The following AKR1C2 variants were observed in gnomAD, a reference collection of about 807,000 sequenced individuals.
The protein encoded by AKR1C2 is aldo-keto reductase family 1 member C2, also known as 3-alpha-HSD3.
A neutral mutation model predicts 39.8 loss-of-function variants in AKR1C2; 27 were observed. The observed-to-expected ratio is 0.68, with a 90% CI of 0.50 to 0.93. The LOEUF (loss-of-function observed/expected upper bound fraction) is 0.93. Ranked by LOEUF, AKR1C2 falls within the 40% of genes least tolerant of loss-of-function variation. The pLI, the probability that AKR1C2 is intolerant of heterozygous loss-of-function variation, is 0.00. For synonymous variants in AKR1C2, 114 were observed against 137.9 expected, an observed-to-expected ratio of 0.83 and a Z score of 1.22; for missense variants, 263 against 365.1, an observed-to-expected ratio of 0.72 and a Z score of 2.28.
At position 5,000,350 on chromosome 10, in the gene AKR1C2, T is replaced by C. The variant is rs561163082; in HGVS notation, c.369+200A>G. 551 of 1,541,016 alleles carry C rather than the reference T, an allele frequency of 3.6e-4. 1 individual carries two copies. The highest frequency in any genetic ancestry group is 6.3e-4 in the Admixed American group (31 of 48,908). The stretch of plus-strand genomic sequence containing the variant: ...TTGAGGATTCTGCACTCTCTTTTCT[T>C]GTAGACATGCAATCACGGAAGTATG... On this transcript the variant is annotated intron_variant, in intron 3 of 8. Coordinates refer to ENST00000380753, the MANE Select transcript of AKR1C2 (RefSeq NM_001393392.1).
In AKR1C2 at chr10:5,001,685, G is replaced by T; in HGVS notation, c.85-4C>A. The T allele has an allele frequency of 6.2e-7, 1 of 1,613,584 alleles. No homozygotes were observed. Among genetic ancestry groups the T allele is most frequent in the Non-Finnish European group, 8.5e-7 (1 of 1,179,684 alleles). On this transcript the variant is annotated splice_region_variant and splice_polypyrimidine_tract_variant and intron_variant, in intron 1 of 8. Coordinates refer to ENST00000380753, the MANE Select transcript of AKR1C2 (RefSeq NM_001393392.1). ...CTAGAGCTTTACTTTTAGGAACCTG[G>T]GGGAGCAACCAAACGTAATATTTTC...
intron 3 of AKR1C2, 58 bp from the exon 4 acceptor site, chr10:4,999,335 A>G: frequency 2.5e-6 from 4 of 1,579,134 alleles, no homozygotes; most frequent in Admixed American, 1.8e-5. Context: ...ACACATAGCC[A>G]TGCTCTGAGG....
At chr10:5,004,925 T>A (rs1258074233), upstream of AKR1C2, 2 of 146,502 alleles carry the variant, frequency 1.4e-5, no homozygotes, top group African/African-American at 5.1e-5. Context: ...TATTGAAATT[T>A]TTCACAGAGT....
intron 1 of AKR1C2, among the ~76,000 whole-genome samples, chr10:5,003,185 C>A (rs1171242394): frequency 2.7e-5 from 4 of 149,816 alleles, no homozygotes; most frequent in Non-Finnish European, 5.9e-5. Context: ...AGAATTTAAA[C>A]TTTCCTTGTT....
At chr10:5,012,509 G>C (rs79728362) in intron 1 of AKR1C2, among the ~76,000 whole-genome samples, 1 of 147,126 alleles carries the variant, frequency 6.8e-6, no homozygotes, top group African/African-American at 2.6e-5. Flanking sequence ...GACCCATAGG[G>C]AAGAGATCCT....
rs191233936 is a variant in AKR1C2, at chr10:4,988,833, T to C, written c.*1163A>G. The C allele has an allele frequency of 1.4e-4, 21 of 151,404 alleles. No individual in the cohort carries two copies. Among genetic ancestry groups the C allele is most frequent in the African/African-American group, 5.1e-4 (21 of 41,192 alleles). The allele number at this position is 151,404 out of a possible 1,614,324, so 9.4% of individuals were successfully genotyped here. The stretch of plus-strand genomic sequence containing the variant: ...AATCATGTCTTCATGATTAGCTGAT[T>C]TGATTAGTTCCCCTGAAAATTATGT... On this transcript the variant is annotated 3_prime_UTR_variant, in exon 9 of 9. Transcript: ENST00000380753.
At chr10:4,999,375 G>A (rs1837176686) in intron 3 of AKR1C2, 98 bp from the exon 4 acceptor site, 1 of 1,607,132 alleles carries the variant, frequency 6.2e-7, no homozygotes. Flanking sequence ...CCTCCATGAG[G>A]TAGGTGATGC....
At chr10:5,004,018 A>C (rs1554774163), upstream of AKR1C2, 1 of 543,506 alleles carries the variant, frequency 1.8e-6, no homozygotes, top group East Asian at 3.1e-5. Flanking sequence ...TTCTTACCTA[A>C]GAAAATTCAT....
intron 5 of AKR1C2, among the ~76,000 whole-genome samples, chr10:4,996,785 C>T (rs1182674622): frequency 1.1e-4 from 16 of 151,910 alleles, no homozygotes; most frequent in African/African-American, 3.9e-4. Context: ...ATTATTTTTA[C>T]TTGGTGAGAA....
chr10:4,998,969 G>A (rs1241489838), intron 4 of AKR1C2, among the ~76,000 whole-genome samples: 5 of 152,158 alleles, frequency 3.3e-5, no homozygotes, highest in African/African-American at 1.2e-4. Context: ...AGAGATTAAT[G>A]TACAGGCAAG....
intron 1 of AKR1C2, among the ~76,000 whole-genome samples, chr10:5,017,220 C>T (rs111812560): frequency 0.017 from 2,610 of 152,302 alleles, 83 homozygotes; most frequent in African/African-American, 0.059. Context: ...TGAATTCTTC[C>T]TCAGAAAATA....
chr10:5,004,307 TA>T (rs1245120750), upstream of AKR1C2, among the ~76,000 whole-genome samples: 4 of 152,254 alleles, frequency 2.6e-5, no homozygotes, highest in Non-Finnish European at 5.9e-5. Flanking sequence ...AGCATTTCTT[TA>T]AAATATTGCC....
chr10:5,000,714 T>C (rs565960997), intron 2 of AKR1C2, 48 bp from the exon 3 acceptor site: 1 of 1,555,560 alleles, frequency 6.4e-7, no homozygotes, highest in Non-Finnish European at 8.8e-7. Flanking sequence ...CTTGAGCCAG[T>C]TTTACTAGTT....
chr10:4,999,738 G>A (rs1204664895), intron 3 of AKR1C2: 1 of 197,494 alleles, frequency 5.1e-6, no homozygotes, highest in Non-Finnish European at 9.5e-6. Flanking sequence ...TTCCAGGCTA[G>A]TTTGGAAATT....
Position 4,998,656 on chromosome 10 carries a change from G to A in AKR1C2, c.539C>T (p.Pro180Leu), listed in dbSNP as rs782601013. The A allele has an allele frequency of 6.8e-5, 110 of 1,614,036 alleles. No homozygotes were observed. The highest frequency in any genetic ancestry group is 4.3e-4 in the South Asian group (39 of 91,084). The change falls in exon 5 of 9, where the codon CCA becomes CTA. Residue 180 changes from proline to leucine, a missense_variant. This residue lies in a region of AKR1C2 where 247 missense variants were observed against 267.9 expected (regional missense o/e 0.92). Transcript: ENST00000380753. The part of the protein sequence containing the change: ...HRLLEMILNK[P>L]GLKYKPVCNQ... ...GCAGACAGGCTTGTACTTGAGCCCT[G>A]GCTTGTTGAGGATCATCTCCAGCAG...
rs532734925 is a variant in AKR1C2, at chr10:4,990,449, T to C, written c.930-411A>G. 3.4e-4 allele frequency among the ~76,000 whole-genome samples: 52 copies of C among 152,340 alleles called. 1 individual carries two copies. The highest frequency in any genetic ancestry group is 3.4e-3 in the Middle Eastern group (1 of 294). ...TATGCTCATCACTAATAAACAATTT[T>C]GAGTGTGATAATTATACTGGTAGTA... On this transcript the variant is annotated intron_variant, in intron 8 of 8. Coordinates refer to ENST00000380753, the MANE Select transcript of AKR1C2 (RefSeq NM_001393392.1).
chr10:5,006,439 T>C (rs1360006304), upstream of AKR1C2: 1 of 151,988 alleles, frequency 6.6e-6, no homozygotes, highest in African/African-American at 2.4e-5. Context: ...CTATTTCTAC[T>C]AAAAATAGAA....
chr10:5,000,054 C>T, intron 3 of AKR1C2: 1 of 1,072,066 alleles, frequency 9.3e-7, no homozygotes, highest in Non-Finnish European at 1.1e-6. Flanking sequence ...ATAAAACCTC[C>T]AGTGTGAAAA....
chr10:5,000,360 C>A (rs782328907), intron 3 of AKR1C2, 190 bp downstream of exon 3: 1 of 1,544,300 alleles, frequency 6.5e-7, no homozygotes, highest in East Asian at 2.4e-5. Context: ...TGTAGACATG[C>A]AATCACGGAA....
Sources: gnomAD v4.1 joint callset for allele counts (sites outside exome capture counted in the v4.1 genomes callset) on GRCh38, gnomAD v4.1.1 for gene constraint, gnomAD v4.1.1 regional missense constraint, MANE v1.5 for transcripts, NCBI Gene and HGNC (gene_info 2026-07-23, HGNC 2026-07-21) for gene names.